Variants in FTCDNL1 observed in about 807,000 individuals in gnomAD.
The protein encoded by FTCDNL1 is formiminotransferase cyclodeaminase N-terminal like, also known as formiminotransferase N-terminal subdomain-containing protein.
A neutral mutation model predicts 5.9 loss-of-function variants in FTCDNL1; 11 were observed. The ratio of observed to expected loss-of-function variants is 1.87; its 90% CI spans 1.18 to 3.10. FTCDNL1 has a LOEUF of 3.10. Among genes scored for constraint, FTCDNL1 ranks in the 30% most tolerant of loss-of-function variants. The pLI, the probability that FTCDNL1 is intolerant of heterozygous loss-of-function variation, is 0.00. For synonymous variants in FTCDNL1, 58 were observed against 24.8 expected, an observed-to-expected ratio of 2.34 and a Z score of -3.99; for missense variants, 115 against 65.5, an observed-to-expected ratio of 1.76 and a Z score of -2.61.
the FTCDNL1 span, among the ~76,000 whole-genome samples, chr2:199,688,591 T>C: frequency 3.9e-5 from 6 of 152,184 alleles, no homozygotes; most frequent in African/African-American, 1.4e-4. Flanking sequence ...ACAAGGCTGT[T>C]CCCAGGCAGT....
chr2:199,759,120 T>G (rs1004152946), downstream of FTCDNL1, among the ~76,000 whole-genome samples: 2 of 151,772 alleles, frequency 1.3e-5, no homozygotes, highest in Non-Finnish European at 2.9e-5. Context: ...ATGTATTATA[T>G]GTGTATATAT....
chr2:199,836,349 C>A (rs1275048809), intron 3 of FTCDNL1, among the ~76,000 whole-genome samples: 34 of 151,878 alleles, frequency 2.2e-4, no homozygotes, highest in Admixed American at 2.2e-3. Flanking sequence ...TATTTTTATT[C>A]TTTGTAGAGA....
the FTCDNL1 span, among the ~76,000 whole-genome samples, chr2:199,747,056 CACACACACAT>C: frequency 2.0e-5 from 3 of 151,416 alleles, no homozygotes; most frequent in East Asian, 1.9e-4. Context: ...CACACACACA[CACACACACAT>C]ACACACACAA....
downstream of FTCDNL1, among the ~76,000 whole-genome samples, chr2:199,759,599 A>G (rs191686819): frequency 3.5e-3 from 529 of 152,296 alleles, 2 homozygotes; most frequent in Middle Eastern, 0.014. Flanking sequence ...CAATAAACAG[A>G]AACATGTATG....
At chr2:199,831,674 C>G (rs1030456813) in intron 3 of FTCDNL1, among the ~76,000 whole-genome samples, 3 of 152,152 alleles carry the variant, frequency 2.0e-5, no homozygotes, top group African/African-American at 7.2e-5. Context: ...GCATGCTATA[C>G]TCTTACCATA....
intron 3 of FTCDNL1, among the ~76,000 whole-genome samples, chr2:199,763,206 A>G (rs1449667003): frequency 6.6e-6 from 1 of 152,154 alleles, no homozygotes; most frequent in Non-Finnish European, 1.5e-5. Context: ...CCAGGGCTTC[A>G]CCCTTACTAA....
the FTCDNL1 span, among the ~76,000 whole-genome samples, chr2:199,754,917 G>T: frequency 6.6e-6 from 1 of 152,116 alleles, no homozygotes; most frequent in African/African-American, 2.4e-5. Flanking sequence ...CACTTTTAGC[G>T]GTAGAAAATT....
the FTCDNL1 span, among the ~76,000 whole-genome samples, chr2:199,740,479 C>A: frequency 6.6e-6 from 1 of 152,172 alleles, no homozygotes; most frequent in Non-Finnish European, 1.5e-5. Flanking sequence ...ATGGGAGCTG[C>A]CCGGAGGAGT....
At chr2:199,802,991 C>G (rs1274209457) in intron 3 of FTCDNL1, among the ~76,000 whole-genome samples, 1 of 151,748 alleles carries the variant, frequency 6.6e-6, no homozygotes, top group Non-Finnish European at 1.5e-5. Context: ...CAAGACCAGC[C>G]TGGGCAACAG....
At chr2:199,744,121 C>T in the FTCDNL1 span, among the ~76,000 whole-genome samples, 1 of 152,148 alleles carries the variant, frequency 6.6e-6, no homozygotes, top group Non-Finnish European at 1.5e-5. Context: ...GAAAGTCTTT[C>T]ATTTTTAATG....
At chr2:199,768,731 A>G (rs1462819916) in intron 3 of FTCDNL1, among the ~76,000 whole-genome samples, 1 of 152,180 alleles carries the variant, frequency 6.6e-6, no homozygotes. Flanking sequence ...TTGGAGGCCT[A>G]CCAGGGTGAG....
rs573653351 is a variant in FTCDNL1, at chr2:199,826,729, G to A, written c.212-6972C>T. Among the ~76,000 whole-genome samples the A allele has an allele frequency of 3.9e-5, 6 of 152,264 alleles. No individual in the cohort carries two copies. The South Asian group carries it at 1.2e-3, about 32-fold the overall frequency. On this transcript the variant is annotated intron_variant, in intron 3 of 4. Transcript: ENST00000420128. ...GAATCACTTGAACACAGGAGGCGGA[G>A]GCTGCAGTGAGCCGAGATTGCGCCA...
chr2:199,773,383 G>A (rs1698907193), intron 3 of FTCDNL1, among the ~76,000 whole-genome samples: 1 of 152,094 alleles, frequency 6.6e-6, no homozygotes, highest in South Asian at 2.1e-4. Context: ...ACCTCCCTAG[G>A]TATCAGTGCT....
chr2:199,834,417 G>A lies in FTCDNL1; in HGVS notation c.211+11658C>T, dbSNP rs535348656. Among the ~76,000 whole-genome samples the A allele has an allele frequency of 7.9e-5, 12 of 152,264 alleles. No homozygotes were observed. The South Asian group carries it at 2.3e-3, about 29-fold the overall frequency. On this transcript the variant is annotated intron_variant, in intron 3 of 4. Transcript: ENST00000420128. ...CGCTCCCTCCTAACTTTCATTCTCT[G>A]ATGGGAAGTTTGGGAAAGAAACTGG...
intron 3 of FTCDNL1, among the ~76,000 whole-genome samples, chr2:199,835,991 T>C (rs1702710256): frequency 6.6e-6 from 1 of 152,174 alleles, no homozygotes; most frequent in Admixed American, 6.5e-5. Context: ...GTGAAGTGGT[T>C]GGCTGGGGAG....
rs533058010 is a variant in FTCDNL1, at chr2:199,836,473, C to T, written c.211+9602G>A. On this transcript the variant is annotated intron_variant, in intron 3 of 4. Transcript: ENST00000420128. ...AGGCATGAGCCACCACTCCCAGACACTTGTCAATATTTCAATAAACCCTAT... is the reference window on the plus strand; with the variant it reads ...AGGCATGAGCCACCACTCCCAGACATTTGTCAATATTTCAATAAACCCTAT... Among the ~76,000 whole-genome samples, 6 of 152,170 alleles carry T rather than the reference C, an allele frequency of 3.9e-5. No homozygotes were observed. In the South Asian group the frequency reaches 1.0e-3, roughly 26 times the overall value.
At chr2:199,717,508 G>GTTT in the FTCDNL1 span, among the ~76,000 whole-genome samples, 2 of 83,794 alleles carry the variant, frequency 2.4e-5, no homozygotes, top group Admixed American at 1.7e-4. Context: ...ACAAGGCAGA[G>GTTT]ATTTTTTTTT....
At chr2:199,673,484 T>C in the FTCDNL1 span, among the ~76,000 whole-genome samples, 1 of 152,172 alleles carries the variant, frequency 6.6e-6, no homozygotes, top group Non-Finnish European at 1.5e-5. Context: ...TGCTACATAA[T>C]TTTTTCGTGA....
the FTCDNL1 span, among the ~76,000 whole-genome samples, chr2:199,680,414 A>G: frequency 5.3e-5 from 8 of 152,210 alleles, no homozygotes; most frequent in Non-Finnish European, 1.2e-4. Flanking sequence ...AAAACTAGCA[A>G]ACATCAAAAA....
Sources: allele counts gnomAD v4.1 joint callset (sites outside exome capture counted in the v4.1 genomes callset), GRCh38; gene constraint gnomAD v4.1.1; transcripts MANE v1.5; gene names NCBI Gene and HGNC (gene_info 2026-07-23, HGNC 2026-07-21).